B4GALT6: variants seen among roughly 807,000 people sequenced by gnomAD.
B4GALT6 encodes the protein UDP-Gal:beta-GlcNAc beta-1,4-galactosyltransferase 6.
B4GALT6 carries 14 observed loss-of-function variants against 46.3 expected under a neutral mutation model. That is an observed-to-expected ratio of 0.30 (90% CI 0.20 to 0.47). The LOEUF is 0.47. Ranked by LOEUF, B4GALT6 falls within the 20% of genes least tolerant of loss-of-function variation. The pLI is 0.99. For synonymous variants in B4GALT6, 168 were observed against 162.0 expected (o/e 1.04, Z -0.28); for missense variants, 386 against 480.1 (o/e 0.80, Z 1.83).
chr18:31,643,104 C>T (rs971468329), intron 4 of B4GALT6, among the ~76,000 whole-genome samples: 2 of 152,136 alleles, frequency 1.3e-5, no homozygotes, highest in Non-Finnish European at 2.9e-5. Flanking sequence ...CAGGCAGGGA[C>T]GGGTAGGGGG....
chr18:31,642,447 G>C (rs898220441), intron 4 of B4GALT6, among the ~76,000 whole-genome samples: 2 of 152,188 alleles, frequency 1.3e-5, no homozygotes, highest in Non-Finnish European at 2.9e-5. Flanking sequence ...AGGCCTCTGG[G>C]TAGACAAGAG....
chr18:31,707,194 G>A, the B4GALT6 span, among the ~76,000 whole-genome samples: 1 of 150,394 alleles, frequency 6.6e-6, no homozygotes, highest in Non-Finnish European at 1.5e-5. Flanking sequence ...CCCTATCTGT[G>A]AGAAATGGTA....
Position 31,674,875 on chromosome 18 carries a change from T to C in B4GALT6, c.116-8503A>G, listed in dbSNP as rs564608024. On this transcript the variant is annotated intron_variant, in intron 1 of 8. Coordinates refer to ENST00000306851, the MANE Select transcript of B4GALT6 (RefSeq NM_004775.5). ...GTTTAAAAAAAAAAAAATTCTTTTA[T>C]GTCAAAGTACTATTTGACCATGGTG... 6.3e-4 allele frequency among the ~76,000 whole-genome samples: 96 copies of C among 152,312 alleles called. 1 individual carries two copies. The highest frequency in any genetic ancestry group is 2.2e-3 in the African/African-American group (90 of 41,576).
chr18:31,636,099 G>T lies in B4GALT6; in HGVS notation c.588+2545C>A, dbSNP rs183559247. On this transcript the variant is annotated intron_variant, in intron 5 of 8. Coordinates refer to ENST00000306851, the MANE Select transcript of B4GALT6 (RefSeq NM_004775.5). ...GAAAACAGTCTTTGCAACAAGTGGT[G>T]ATGAAACAACTAAACGAAACTTCAC... is the stretch of plus-strand genomic sequence containing the variant. Among the ~76,000 whole-genome samples the T allele has an allele frequency of 3.4e-3, 525 of 152,296 alleles. 3 individuals are homozygous for T. The highest frequency in any genetic ancestry group is 0.012 in the African/African-American group (499 of 41,568).
intron 1 of B4GALT6, 119 bp from the exon 2 acceptor site, chr18:31,666,491 C>A (rs1339414257): frequency 2.4e-6 from 1 of 414,070 alleles, no homozygotes; most frequent in Non-Finnish European, 4.2e-6. Flanking sequence ...ATCAGCACGT[C>A]CAAACGCAAA....
intron 3 of B4GALT6, among the ~76,000 whole-genome samples, chr18:31,655,978 C>A (rs1301755539): frequency 1.3e-5 from 2 of 152,002 alleles, no homozygotes; most frequent in Non-Finnish European, 1.5e-5. Flanking sequence ...CAAGGCTCAG[C>A]GGCAACAGCA....
intron 2 of B4GALT6, among the ~76,000 whole-genome samples, chr18:31,663,191 A>C (rs2074240558): frequency 6.6e-6 from 1 of 152,154 alleles, no homozygotes; most frequent in African/African-American, 2.4e-5. Context: ...ACCAAAGAAC[A>C]CCTTTTAATG....
At position 31,641,791 on chromosome 18, in the gene B4GALT6, A is replaced by C. The variant is rs1392529821; in HGVS notation, c.472-3031T>G. Among the ~76,000 whole-genome samples the C allele has an allele frequency of 3.3e-5, 5 of 152,252 alleles. No individual in the cohort carries two copies. The East Asian group carries it at 9.6e-4, about 29-fold the overall frequency. On this transcript the variant is annotated intron_variant, in intron 4 of 8. Coordinates refer to ENST00000306851, the MANE Select transcript of B4GALT6 (RefSeq NM_004775.5). ...TACTTTAAAACCACAAATCTTGCTG[A>C]ACATATGCACCATTTTTTCCCTTGC...
At chr18:31,648,776 G>A (rs1005914108) in intron 3 of B4GALT6, among the ~76,000 whole-genome samples, 9 of 152,040 alleles carry the variant, frequency 5.9e-5, no homozygotes, top group African/African-American at 1.7e-4. Context: ...AATTACCTAC[G>A]TTTATATTTT....
chr18:31,699,565 C>T, the B4GALT6 span, among the ~76,000 whole-genome samples: 4 of 150,370 alleles, frequency 2.7e-5, no homozygotes, highest in African/African-American at 4.9e-5. Context: ...TGAGCCACCA[C>T]GCCCGGCCTA....
At chr18:31,717,825 A>G in the B4GALT6 span, among the ~76,000 whole-genome samples, 1 of 152,024 alleles carries the variant, frequency 6.6e-6, no homozygotes, top group Non-Finnish European at 1.5e-5. Context: ...GTGGTGGCAC[A>G]TGCCTGTAAT....
intron 2 of B4GALT6, among the ~76,000 whole-genome samples, chr18:31,658,785 G>T (rs953177645): frequency 4.6e-5 from 7 of 152,130 alleles, no homozygotes; most frequent in Admixed American, 1.3e-4. Flanking sequence ...TGCCATCTAT[G>T]CCTACTTCAT....
At chr18:31,656,460 T>A (rs1350490579) in intron 3 of B4GALT6, among the ~76,000 whole-genome samples, 1 of 151,880 alleles carries the variant, frequency 6.6e-6, no homozygotes, top group East Asian at 1.9e-4. Context: ...GGCTTCTGAG[T>A]GTTGACAGTA....
chr18:31,676,116 C>A (rs1443936011), intron 1 of B4GALT6, among the ~76,000 whole-genome samples: 2 of 152,144 alleles, frequency 1.3e-5, no homozygotes, highest in African/African-American at 4.8e-5. Context: ...TGTCCAATTT[C>A]TCTTCCTATG....
Position 31,666,233 on chromosome 18 carries a change from G to A in B4GALT6, c.232+23C>T, listed in dbSNP as rs183878970. On this transcript the variant is annotated intron_variant, in intron 2 of 8. Coordinates refer to ENST00000306851, the MANE Select transcript of B4GALT6 (RefSeq NM_004775.5). ...GGTTTACTGCTTTGTAACTACAAGG[G>A]GTTAAGCAGGAAGTAGTCTTACCTG... 5.0e-5 allele frequency: 69 copies of A among 1,373,004 alleles called. No homozygotes were observed. In the East Asian group the frequency reaches 1.2e-3, roughly 24 times the overall value. 85.1% of individuals were successfully genotyped at this position (1,373,004 alleles called of 1,614,324 possible).
At chr18:31,638,847 G>T in intron 4 of B4GALT6, 87 bp from the exon 5 acceptor site, 1 of 1,163,904 alleles carries the variant, frequency 8.6e-7, no homozygotes, top group Non-Finnish European at 1.2e-6. Flanking sequence ...GAAAACTTCT[G>T]ATGGTTTTAA....
At chr18:31,693,936 C>G in the B4GALT6 span, among the ~76,000 whole-genome samples, 1 of 152,088 alleles carries the variant, frequency 6.6e-6, no homozygotes, top group Non-Finnish European at 1.5e-5. Flanking sequence ...CCACTCCAGC[C>G]TGGGAGACAG....
At chr18:31,679,249 T>C (rs369389063) in intron 1 of B4GALT6, among the ~76,000 whole-genome samples, 2 of 152,212 alleles carry the variant, frequency 1.3e-5, no homozygotes, top group African/African-American at 4.8e-5. Context: ...AGGTGAAAAA[T>C]AGCAGTTAGC....
At position 31,622,727 on chromosome 18, in the gene B4GALT6, CACAAAA is replaced by C. The variant is rs576000830; in HGVS notation, c.*2881_*2886del. ...AAAGTTTTCTTACTGAATAACTTTT[CACAAAA>C]ACAAAAACTTAAATGTAGATTTAAA... On this transcript the variant is annotated 3_prime_UTR_variant, in exon 9 of 9. Transcript: ENST00000306851. 41 of 152,024 alleles carry C rather than the reference CACAAAA, an allele frequency of 2.7e-4. No individual in the cohort carries two copies. The East Asian group carries it at 7.7e-3, about 29-fold the overall frequency. The allele number at this position is 152,024 out of a possible 1,614,324, so 9.4% of individuals were successfully genotyped here.
Sources: allele counts gnomAD v4.1 joint callset (sites outside exome capture counted in the v4.1 genomes callset), GRCh38; gene constraint gnomAD v4.1.1; transcripts MANE v1.5; gene names NCBI Gene and HGNC (gene_info 2026-07-23, HGNC 2026-07-21).